TRPC4AP: variants seen among roughly 807,000 people sequenced by gnomAD.
The protein encoded by TRPC4AP is short transient receptor potential channel 4-associated protein.
Under a neutral mutation model 99.0 loss-of-function variants are expected in TRPC4AP, and 45 were observed. The observed-to-expected ratio is 0.45, with a 90% CI of 0.36 to 0.58. The LOEUF (loss-of-function observed/expected upper bound fraction) is 0.58. Among genes scored for constraint, TRPC4AP ranks in the 20% least tolerant of loss-of-function variants. The pLI, the probability that TRPC4AP is intolerant of heterozygous loss-of-function variation, is 0.00. For synonymous variants in TRPC4AP, 408 were observed against 385.8 expected (o/e 1.06, Z -0.67); for missense variants, 879 against 985.3 (o/e 0.89, Z 1.44).
chr20:35,003,341 C>T (rs878971863), intron 18 of TRPC4AP, 58 bp from the exon 19 acceptor site: 49 of 1,613,196 alleles, frequency 3.0e-5, no homozygotes, highest in South Asian at 2.2e-4. Context: ...AGCCCAGCAC[C>T]GGGACACCCC....
intron 2 of TRPC4AP, among the ~76,000 whole-genome samples, chr20:35,071,764 T>C (rs1250822928): frequency 6.6e-6 from 1 of 152,214 alleles, no homozygotes; most frequent in Non-Finnish European, 1.5e-5. Flanking sequence ...TGTGTCTTTA[T>C]AGCAGCATGA....
At chr20:35,063,849 ACTCTAT>A (rs1013887915) in intron 3 of TRPC4AP, among the ~76,000 whole-genome samples, 1 of 152,158 alleles carries the variant, frequency 6.6e-6, no homozygotes, top group African/African-American at 2.4e-5. Flanking sequence ...ACACAGTGCA[ACTCTAT>A]CTCTAAAATC....
chr20:35,058,367 T>C (rs777913097), intron 3 of TRPC4AP, among the ~76,000 whole-genome samples: 181 of 152,322 alleles, frequency 1.2e-3, no homozygotes, highest in Non-Finnish European at 1.9e-3. Flanking sequence ...TCTACTCAAG[T>C]GCACATGAAA....
At chr20:35,044,417 A>ATT in intron 7 of TRPC4AP, 88 bp downstream of exon 7, 1 of 1,247,060 alleles carries the variant, frequency 8.0e-7, no homozygotes, top group Non-Finnish European at 1.1e-6. Context: ...AAAAAAAAAG[A>ATT]AAAGAAAAGA....
Position 35,066,140 on chromosome 20 carries a change from T to C in TRPC4AP, c.414+3156A>G, listed in dbSNP as rs748336467. On this transcript the variant is annotated intron_variant, in intron 3 of 18. Transcript: ENST00000252015. Reference sequence around the variant, plus strand: ...TTTTTTTTGAGATGGGGTCTTGCTCTGTCACCCAGGCTGCAGTTCATGGTG... The same window carrying C: ...TTTTTTTTGAGATGGGGTCTTGCTCCGTCACCCAGGCTGCAGTTCATGGTG... Among the ~76,000 whole-genome samples the C allele has an allele frequency of 1.5e-3, 227 of 152,246 alleles. 3 individuals carry two copies. Among genetic ancestry groups the C allele is most frequent in the Middle Eastern group, 3.4e-3 (1 of 294 alleles).
At chr20:35,090,135 T>C (rs1293799896) in intron 1 of TRPC4AP, among the ~76,000 whole-genome samples, 1 of 148,836 alleles carries the variant, frequency 6.7e-6, no homozygotes, top group Non-Finnish European at 1.5e-5. Flanking sequence ...TAACTTATTC[T>C]GCAGGATGGG....
chr20:35,087,611 T>C (rs2084924561), intron 1 of TRPC4AP, among the ~76,000 whole-genome samples: 1 of 152,180 alleles, frequency 6.6e-6, no homozygotes, highest in Non-Finnish European at 1.5e-5. Flanking sequence ...TTTGGGGCCT[T>C]GTACGCCCAT....
chr20:35,030,401 T>C (rs1304048606), intron 8 of TRPC4AP: 2 of 152,200 alleles, frequency 1.3e-5, no homozygotes, highest in Non-Finnish European at 2.9e-5. Context: ...TTTTGGAATA[T>C]GTGTTGCTGA....
At chr20:35,036,527 G>A (rs4911460) in intron 7 of TRPC4AP, among the ~76,000 whole-genome samples, 89,305 of 152,086 alleles carry the variant, frequency 0.59, 27,208 homozygotes, top group Middle Eastern at 0.74. Context: ...TGGCAGTTAC[G>A]TTTCTTAAAA....
intron 4 of TRPC4AP, among the ~76,000 whole-genome samples, chr20:35,055,632 C>T (rs2083808451): frequency 6.6e-6 from 1 of 152,222 alleles, no homozygotes; most frequent in Non-Finnish European, 1.5e-5. Context: ...CTCACCCTCC[C>T]GAGTGGCTAG....
At chr20:35,059,788 GAA>G (rs2145968070) in intron 3 of TRPC4AP, among the ~76,000 whole-genome samples, 2 of 88,904 alleles carry the variant, frequency 2.2e-5, no homozygotes, top group African/African-American at 5.9e-5. Context: ...AGAAGATGAA[GAA>G]GAAGGCGAAG....
In TRPC4AP at chr20:35,002,984, G is replaced by A; in HGVS notation, c.*162C>T. 1 of 970,626 alleles carries A rather than the reference G, an allele frequency of 1.0e-6. No homozygotes were observed. The highest frequency in any genetic ancestry group is 1.6e-5 in the South Asian group (1 of 61,840). 60.1% of individuals were successfully genotyped at this position (970,626 alleles called of 1,614,324 possible). The stretch of plus-strand genomic sequence containing the variant: ...CATGACCTAGGGCCCTCAGACCCAG[G>A]GGGACCAAGGGCTTCTAGGACTTCC... On this transcript the variant is annotated 3_prime_UTR_variant, in exon 19 of 19. Transcript: ENST00000252015.
At chr20:35,083,418 G>A (rs1369371609) in intron 1 of TRPC4AP, among the ~76,000 whole-genome samples, 8 of 151,648 alleles carry the variant, frequency 5.3e-5, no homozygotes, top group African/African-American at 1.9e-4. Context: ...TGACCAACAT[G>A]GTGAAACCCC....
At chr20:35,037,952 C>G (rs1020337248) in intron 7 of TRPC4AP, among the ~76,000 whole-genome samples, 3 of 151,930 alleles carry the variant, frequency 2.0e-5, no homozygotes, top group Non-Finnish European at 4.4e-5. Context: ...AATCACCTCA[C>G]TGCATTTCTC....
Position 35,084,022 on chromosome 20 carries a change from G to A in TRPC4AP, c.169-5848C>T, listed in dbSNP as rs912440329. Among the ~76,000 whole-genome samples the A allele has an allele frequency of 6.6e-5, 10 of 151,962 alleles. No individual in the cohort carries two copies. In the East Asian group the frequency reaches 9.6e-4, roughly 15 times the overall value. On this transcript the variant is annotated intron_variant, in intron 1 of 18. Coordinates refer to ENST00000252015, the MANE Select transcript of TRPC4AP (RefSeq NM_015638.3). The stretch of plus-strand genomic sequence containing the variant: ...ATTATAAGTATACAGAAAGCAGGCC[G>A]GGCGCGGTGGCTCACACCTGTAATC...
At position 35,084,488 on chromosome 20, in the gene TRPC4AP, G is replaced by GTC. The variant is rs1569154642; in HGVS notation, c.169-6315_169-6314insGA. On this transcript the variant is annotated intron_variant, in intron 1 of 18. Transcript: ENST00000252015. Reference sequence around the variant, plus strand: ...TATATATGTATATATGTGTATATATGTATATATCTATATATGTATATACGT... The same window carrying GTC: ...TATATATGTATATATGTGTATATATGTCTATATATCTATATATGTATATACGT... 2.6e-5 allele frequency among the ~76,000 whole-genome samples: 3 copies of GTC among 117,388 alleles called. No homozygotes were observed. In the East Asian group the frequency reaches 9.4e-4, roughly 37 times the overall value. 77.0% of individuals were successfully genotyped at this position (117,388 alleles called of 152,430 possible). A position where few individuals can be genotyped will look rare whatever the true frequency, so the allele number is the denominator to read the frequency against.
intron 1 of TRPC4AP, among the ~76,000 whole-genome samples, chr20:35,084,300 A>C (rs2084739397): frequency 6.6e-6 from 1 of 151,918 alleles, no homozygotes; most frequent in African/African-American, 2.4e-5. Context: ...AAGGCAAAAC[A>C]ATTTAAAAGG....
intron 3 of TRPC4AP, among the ~76,000 whole-genome samples, chr20:35,068,960 C>CACACACA (rs2084220902): frequency 1.9e-5 from 2 of 108,014 alleles, no homozygotes; most frequent in South Asian, 2.8e-4. Context: ...CACACACACA[C>CACACACA]ACACACACAC....
At chr20:35,028,263 TC>T (rs1379365240) in intron 8 of TRPC4AP, among the ~76,000 whole-genome samples, 2 of 150,456 alleles carry the variant, frequency 1.3e-5, no homozygotes, top group East Asian at 3.9e-4. Context: ...TAGTGTGATC[TC>T]GGCTCACTGC....
Sources: gnomAD v4.1 joint callset for allele counts (sites outside exome capture counted in the v4.1 genomes callset) on GRCh38, gnomAD v4.1.1 for gene constraint, MANE v1.5 for transcripts, NCBI Gene and HGNC (gene_info 2026-07-23, HGNC 2026-07-21) for gene names.